Variants in RBPJ observed in about 807,000 individuals in gnomAD.
RBPJ encodes recombination signal binding protein for immunoglobulin kappa J region, also known as recombining binding protein suppressor of hairless.
Under a neutral mutation model 67.8 loss-of-function variants are expected in RBPJ, and 9 were observed. That is an observed-to-expected ratio of 0.13 (90% CI 0.08 to 0.23). The LOEUF (loss-of-function observed/expected upper bound fraction) is 0.23. Ranked by LOEUF, RBPJ falls within the 10% of genes least tolerant of loss-of-function variation. The pLI, the probability that RBPJ is intolerant of heterozygous loss-of-function variation, is 1.00. For missense variants in RBPJ, 305 were observed against 595.6 expected, an observed-to-expected ratio of 0.51 and a Z score of 5.08; for synonymous variants, 198 against 203.3, an observed-to-expected ratio of 0.97 and a Z score of 0.22.
intron 1 of RBPJ, among the ~76,000 whole-genome samples, chr4:26,193,678 G>A (rs962190101): frequency 2.6e-5 from 4 of 151,948 alleles, no homozygotes; most frequent in Non-Finnish European, 4.4e-5. Flanking sequence ...AATTGCAATC[G>A]CTGCTGTCAG....
the RBPJ span, among the ~76,000 whole-genome samples, chr4:26,114,903 A>G: frequency 6.6e-6 from 1 of 152,236 alleles, no homozygotes; most frequent in Non-Finnish European, 1.5e-5. Context: ...TTACTATTAT[A>G]TTAAAAACAA....
At chr4:26,383,762 T>A (rs1019578286) in intron 1 of RBPJ, 3 of 152,214 alleles carry the variant, frequency 2.0e-5, no homozygotes, top group African/African-American at 7.2e-5. Context: ...TGCATTTAAT[T>A]CCATAGCTGG....
chr4:26,211,174 C>A (rs1420335307), intron 1 of RBPJ, among the ~76,000 whole-genome samples: 1 of 152,102 alleles, frequency 6.6e-6, no homozygotes, highest in Non-Finnish European at 1.5e-5. Context: ...TAGAAAGTAC[C>A]ATATGCACGT....
At chr4:26,338,144 G>GT (rs1725076006) in intron 1 of RBPJ, among the ~76,000 whole-genome samples, 1 of 119,788 alleles carries the variant, frequency 8.3e-6, no homozygotes, top group Non-Finnish European at 1.8e-5. Flanking sequence ...ATTCTTATGT[G>GT]TATTTTTCTT....
rs1420123897 is a variant in RBPJ at position 26,210,700 on chromosome 4, T to TTTCTTTCCTTCTTTCCTTCTTTCC, written c.-167+47109_-167+47110insCTTCTTTCCTTCTTTCCTTCTTTC. Among the ~76,000 whole-genome samples the TTTCTTTCCTTCTTTCCTTCTTTCC allele has an allele frequency of 8.0e-4, 48 of 59,916 alleles. 1 individual carries two copies. The highest frequency in any genetic ancestry group is 2.7e-3 in the African/African-American group (44 of 16,282). The allele number at this position is 59,916 out of a possible 152,430, so 39.3% of individuals were successfully genotyped here. A position where few individuals can be genotyped will look rare whatever the true frequency, so the allele number is the denominator to read the frequency against. On this transcript the variant is annotated intron_variant, in intron 1 of 4. Transcript: ENST00000512351. ...TTTCTTTCTTTCCTTTCTTTCTTTC[T>TTTCTTTCCTTCTTTCCTTCTTTCC]TTCTTTCCTTCTTTCCTTCTTTCTT...
chr4:26,113,431 CT>C, the RBPJ span: 2 of 547,708 alleles, frequency 3.7e-6, no homozygotes, highest in Non-Finnish European at 3.5e-6. Flanking sequence ...GGGGAAAAGC[CT>C]TTTGCCAGAA....
the RBPJ span, among the ~76,000 whole-genome samples, chr4:26,128,837 T>G: frequency 6.6e-6 from 1 of 152,164 alleles, no homozygotes; most frequent in Non-Finnish European, 1.5e-5. Flanking sequence ...GTGAATAAGT[T>G]TCACAAGATC....
At chr4:26,275,659 T>C (rs1432645224) in intron 1 of RBPJ, among the ~76,000 whole-genome samples, 1 of 152,044 alleles carries the variant, frequency 6.6e-6, no homozygotes. Flanking sequence ...TGAGACGGAG[T>C]CTCGTACTGT....
chr4:26,135,683 A>G, the RBPJ span, among the ~76,000 whole-genome samples: 1 of 152,186 alleles, frequency 6.6e-6, no homozygotes, highest in Non-Finnish European at 1.5e-5. Context: ...GTATTGAGGA[A>G]GAAGGAGCTG....
chr4:26,238,718 T>C (rs1393679619), intron 1 of RBPJ, among the ~76,000 whole-genome samples: 1 of 151,880 alleles, frequency 6.6e-6, no homozygotes, highest in Non-Finnish European at 1.5e-5. Flanking sequence ...TGGAGACAAG[T>C]GGGTGGTCAT....
intron 1 of RBPJ, chr4:26,362,294 C>T: frequency 3.1e-6 from 1 of 318,478 alleles, no homozygotes; most frequent in Non-Finnish European, 5.7e-6. Flanking sequence ...CTCTATTCCT[C>T]ATTCATATGA....
intron 1 of RBPJ, among the ~76,000 whole-genome samples, chr4:26,260,519 A>G (rs571586155): frequency 7.9e-5 from 12 of 152,206 alleles, no homozygotes; most frequent in African/African-American, 2.9e-4. Context: ...ATAAAAAAAA[A>G]GCAACTGTTA....
upstream of RBPJ, among the ~76,000 whole-genome samples, chr4:26,158,522 AG>A (rs1291773353): frequency 6.6e-6 from 1 of 152,256 alleles, no homozygotes; most frequent in East Asian, 1.9e-4. Context: ...AAAGGGAGTC[AG>A]TAAGTATGCT....
intron 1 of RBPJ, among the ~76,000 whole-genome samples, chr4:26,183,840 T>G (rs10028193): frequency 0.19 from 28,201 of 151,900 alleles, 7,814 homozygotes; most frequent in African/African-American, 0.61. Context: ...GTGAAATCCC[T>G]TTTCTACTAA....
the RBPJ span, among the ~76,000 whole-genome samples, chr4:26,127,823 G>A: frequency 1.3e-5 from 2 of 152,316 alleles, no homozygotes; most frequent in African/African-American, 2.4e-5. Context: ...GCCCTAAAGA[G>A]GTTGGCCTCC....
chr4:26,356,021 G>A (rs1397477473), intron 1 of RBPJ, among the ~76,000 whole-genome samples: 1 of 152,164 alleles, frequency 6.6e-6, no homozygotes, highest in Non-Finnish European at 1.5e-5. Context: ...AGTACTGACT[G>A]TCCTCTGACC....
At chr4:26,282,300 A>T (rs1372389869) in intron 1 of RBPJ, among the ~76,000 whole-genome samples, 1 of 152,122 alleles carries the variant, frequency 6.6e-6, no homozygotes, top group Non-Finnish European at 1.5e-5. Flanking sequence ...AAGTGCCAAC[A>T]CCATGTCAAA....
the RBPJ span, among the ~76,000 whole-genome samples, chr4:26,136,444 C>T: frequency 1.3e-5 from 2 of 152,148 alleles, no homozygotes; most frequent in Non-Finnish European, 1.5e-5. Flanking sequence ...CCTGCCATGG[C>T]GTGGAAATTG....
At chr4:26,149,706 T>TCTCCAGG in the RBPJ span, among the ~76,000 whole-genome samples, 2 of 152,242 alleles carry the variant, frequency 1.3e-5, no homozygotes, top group Non-Finnish European at 2.9e-5. Context: ...TGCCAGCACC[T>TCTCCAGG]TGTTATTGGA....
Sources: allele counts gnomAD v4.1 joint callset (sites outside exome capture counted in the v4.1 genomes callset), GRCh38; gene constraint gnomAD v4.1.1; transcripts MANE v1.5; gene names NCBI Gene and HGNC (gene_info 2026-07-23, HGNC 2026-07-21).